The following SLC9A4 variants were observed in gnomAD, a reference collection of about 807,000 sequenced individuals.
The protein encoded by SLC9A4 is sodium/hydrogen exchanger 4.
In SLC9A4, 63 loss-of-function variants were observed where a neutral mutation model predicts 67.4. The ratio of observed to expected loss-of-function variants is 0.93; its 90% CI spans 0.76 to 1.15. The LOEUF is 1.15. SLC9A4 is among the 50% of genes most tolerant of loss of function. SLC9A4 has a pLI of 0.00. For missense variants in SLC9A4, 1,089 were observed against 987.7 expected, an observed-to-expected ratio of 1.10 and a Z score of -1.38; for synonymous variants, 393 against 367.2, an observed-to-expected ratio of 1.07 and a Z score of -0.80.
intron 2 of SLC9A4, among the ~76,000 whole-genome samples, chr2:102,482,961 T>G (rs192890985): frequency 6.6e-6 from 1 of 152,334 alleles, no homozygotes; most frequent in East Asian, 1.9e-4. Flanking sequence ...TCCTCCTGAG[T>G]TGTCTCTAGA....
At chr2:102,495,284 C>G (rs1277712176) in intron 2 of SLC9A4, among the ~76,000 whole-genome samples, 1 of 151,918 alleles carries the variant, frequency 6.6e-6, no homozygotes, top group Non-Finnish European at 1.5e-5. Context: ...AAAAAGTACT[C>G]CCAAAACAGA....
Position 102,508,115 on chromosome 2 carries a change from G to A in SLC9A4, c.1235G>A (p.Arg412Gln), listed in dbSNP as rs370821670. ...FALFYISNQFRTFPFSIKDQC... is the reference protein window; with the variant it reads ...FALFYISNQFQTFPFSIKDQC... The stretch of plus-strand genomic sequence containing the variant: ...CTCTTCTATATCAGTAACCAGTTTC[G>A]GACTTTCCCCTTCTCCATCAAGGAC... Residue 412 changes from arginine (R) to glutamine (Q), a missense_variant, in exon 5 of 12, where the codon CGG (arginine) becomes CAG (glutamine). Arg to Gln is a conservative substitution (Grantham distance 43). Coordinates refer to ENST00000295269, the MANE Select transcript of SLC9A4 (RefSeq NM_001011552.4). 2.0e-5 allele frequency: 33 copies of A among 1,614,032 alleles called. No individual in the cohort carries two copies. The highest frequency in any genetic ancestry group is 5.3e-5 in the African/African-American group (4 of 74,962).
At position 102,532,633 on chromosome 2, in the gene SLC9A4, A is replaced by G. The variant is rs764208439; in HGVS notation, c.2342A>G (p.His781Arg). Residue 781 changes from histidine to arginine, a missense_variant, in exon 12 of 12, where the codon CAT becomes CGT. His to Arg is a conservative substitution (Grantham distance 29). Transcript: ENST00000295269. ...VEVRSRWTADHGHGRDHHRSH... is the reference protein window; with the variant it reads ...VEVRSRWTADRGHGRDHHRSH... ...GTTCGGTCGAGGTGGACAGCTGACC[A>G]TGGACACGGCAGGGACCATCACAGG... 1.9e-6 allele frequency: 3 copies of G among 1,614,092 alleles called. No individual in the cohort carries two copies. Among genetic ancestry groups the G allele is most frequent in the Non-Finnish European group, 2.5e-6 (3 of 1,179,992 alleles).
Position 102,494,441 on chromosome 2 carries a change from G to A in SLC9A4, c.721-9007G>A, listed in dbSNP as rs1392541112. 2.6e-5 allele frequency among the ~76,000 whole-genome samples: 4 copies of A among 151,616 alleles called. No individual in the cohort carries two copies. In the Middle Eastern group the frequency reaches 0.01, roughly 387 times the overall value. On this transcript the variant is annotated intron_variant, in intron 2 of 11. Coordinates refer to ENST00000295269, the MANE Select transcript of SLC9A4 (RefSeq NM_001011552.4). ...ACAATAAACCAGGAGTGAAGGAAGG[G>A]AAAATAAAAAAATATATAGTAATAT...
At chr2:102,484,359 A>G (rs961968075) in intron 2 of SLC9A4, among the ~76,000 whole-genome samples, 1 of 152,200 alleles carries the variant, frequency 6.6e-6, no homozygotes, top group African/African-American at 2.4e-5. Flanking sequence ...ACTTAAGTCC[A>G]GTGAGTGAAG....
chr2:102,523,677 A>G (rs1352389167), intron 9 of SLC9A4, among the ~76,000 whole-genome samples: 2 of 152,234 alleles, frequency 1.3e-5, no homozygotes, highest in Non-Finnish European at 2.9e-5. Context: ...ACTCCTTGGC[A>G]GGCTGCCTGT....
At chr2:102,489,274 G>A (rs1423665635) in intron 2 of SLC9A4, among the ~76,000 whole-genome samples, 1 of 152,170 alleles carries the variant, frequency 6.6e-6, no homozygotes, top group Non-Finnish European at 1.5e-5. Flanking sequence ...TTCTTGGATG[G>A]CACCATGGGT....
rs2104454703 is a variant in SLC9A4 at position 102,533,697 on chromosome 2, T to C, written c.*1009T>C. On this transcript the variant is annotated 3_prime_UTR_variant, in exon 12 of 12. Coordinates refer to ENST00000295269, the MANE Select transcript of SLC9A4 (RefSeq NM_001011552.4). The stretch of plus-strand genomic sequence containing the variant: ...TGTGATGTTCCCCTTCCTGTGTCCA[T>C]GTGATCTCATTGTTCAATTCCCACC... The C allele has an allele frequency of 7.5e-6, 1 of 132,836 alleles. No homozygotes were observed. Among genetic ancestry groups the C allele is most frequent in the African/African-American group, 2.8e-5 (1 of 35,204 alleles). 8.2% of individuals were successfully genotyped at this position (132,836 alleles called of 1,614,324 possible).
chr2:102,495,202 A>C (rs1346287308), intron 2 of SLC9A4, among the ~76,000 whole-genome samples: 1 of 152,090 alleles, frequency 6.6e-6, no homozygotes. Flanking sequence ...TTTGGAAATT[A>C]AAAAACAAAC....
chr2:102,514,742 A>T (rs1685241534), intron 8 of SLC9A4, among the ~76,000 whole-genome samples: 1 of 152,150 alleles, frequency 6.6e-6, no homozygotes, highest in Admixed American at 6.5e-5. Context: ...GTAAAGAGAA[A>T]GTTGTGTTTG....
At chr2:102,499,206 C>A (rs1558664639) in intron 2 of SLC9A4, among the ~76,000 whole-genome samples, 2 of 152,118 alleles carry the variant, frequency 1.3e-5, no homozygotes, top group South Asian at 4.1e-4. Flanking sequence ...AGATGGGCAT[C>A]CCTGCAGTTA....
intron 9 of SLC9A4, among the ~76,000 whole-genome samples, chr2:102,524,582 GTGTT>G (rs747520448): frequency 6.7e-6 from 1 of 148,842 alleles, no homozygotes; most frequent in African/African-American, 2.5e-5. Flanking sequence ...GTGTGTGTGT[GTGTT>G]TGTGTGCTTG....
At chr2:102,490,842 C>G (rs926227830) in intron 2 of SLC9A4, among the ~76,000 whole-genome samples, 1 of 152,190 alleles carries the variant, frequency 6.6e-6, no homozygotes, top group Non-Finnish European at 1.5e-5. Flanking sequence ...AGGTTTATTT[C>G]TTACTTGTAC....
rs1558658688 is a variant in SLC9A4 at position 102,479,366 on chromosome 2, CG to C, written c.720+66del. 2.0e-6 allele frequency: 3 copies of C among 1,498,508 alleles called. No individual in the cohort carries two copies. In the South Asian group the frequency reaches 3.9e-5, roughly 19 times the overall value. The allele number at this position is 1,498,508 out of a possible 1,614,324, so 92.8% of individuals were successfully genotyped here. A position where few individuals can be genotyped will look rare whatever the true frequency, so the allele number is the denominator to read the frequency against. ...GAGGGTTCGGGGTGGGGCTGGGGAC[CG>C]GAGGCTGTGGAGACGGCTCCAGTGT... On this transcript the variant is annotated intron_variant, in intron 2 of 11. Coordinates refer to ENST00000295269, the MANE Select transcript of SLC9A4 (RefSeq NM_001011552.4).
intron 5 of SLC9A4, among the ~76,000 whole-genome samples, chr2:102,508,557 T>C (rs1356769611): frequency 6.6e-6 from 1 of 152,212 alleles, no homozygotes; most frequent in South Asian, 2.1e-4. Context: ...CAATTAGTAC[T>C]ACGTAGCACA....
chr2:102,503,815 C>A, intron 3 of SLC9A4, 108 bp downstream of exon 3: 1 of 1,404,648 alleles, frequency 7.1e-7, no homozygotes, highest in Non-Finnish European at 9.6e-7. Flanking sequence ...GCTAACCCTC[C>A]AACATGTTGC....
intron 10 of SLC9A4, among the ~76,000 whole-genome samples, chr2:102,525,652 G>T (rs1433769491): frequency 6.6e-6 from 1 of 152,050 alleles, no homozygotes; most frequent in Non-Finnish European, 1.5e-5. Flanking sequence ...TAACAAACCA[G>T]TCTTACTGGC....
At chr2:102,523,014 G>A (rs1019157196) in intron 9 of SLC9A4, among the ~76,000 whole-genome samples, 1 of 152,012 alleles carries the variant, frequency 6.6e-6, no homozygotes, top group Non-Finnish European at 1.5e-5. Flanking sequence ...TGTCACCCAG[G>A]CTAGAGTGCG....
chr2:102,517,478 G>C (rs1685297905), intron 8 of SLC9A4, among the ~76,000 whole-genome samples: 1 of 152,178 alleles, frequency 6.6e-6, no homozygotes, highest in South Asian at 2.1e-4. Context: ...ACTGAAGAGA[G>C]GTTGATTGAT....
Sources: gnomAD v4.1 joint callset for allele counts (sites outside exome capture counted in the v4.1 genomes callset) on GRCh38, gnomAD v4.1.1 for gene constraint, MANE v1.5 for transcripts, NCBI Gene and HGNC (gene_info 2026-07-23, HGNC 2026-07-21) for gene names.